Variants in SASH1 observed in about 807,000 individuals in gnomAD.
SASH1 encodes the protein SAM and SH3 domain-containing protein 1.
A neutral mutation model predicts 125.2 loss-of-function variants in SASH1; 44 were observed. That is an observed-to-expected ratio of 0.35 (90% confidence interval 0.28 to 0.45). The LOEUF (loss-of-function observed/expected upper bound fraction) is 0.45, where lower values mean the gene tolerates loss of function less well. Ranked by LOEUF, SASH1 falls within the 20% of genes least tolerant of loss-of-function variation. The pLI is 1.00. For synonymous variants in SASH1, 639 were observed against 649.1 expected (o/e 0.98, Z 0.24); for missense variants, 1,426 against 1,614.5 (o/e 0.88, Z 2.00).
chr6:148,416,899 G>A (rs919892276), intron 2 of SASH1, among the ~76,000 whole-genome samples: 63 of 152,316 alleles, frequency 4.1e-4, no homozygotes, highest in Middle Eastern at 3.4e-3. Context: ...TCATTGTGGG[G>A]ATTTACTGGA....
intron 1 of SASH1, among the ~76,000 whole-genome samples, chr6:148,368,103 G>A (rs1782543987): frequency 6.6e-6 from 1 of 152,128 alleles, no homozygotes; most frequent in South Asian, 2.1e-4. Flanking sequence ...AATATTATGG[G>A]GTGGGGATTA....
intron 2 of SASH1, among the ~76,000 whole-genome samples, chr6:148,428,523 G>A (rs1420798798): frequency 6.6e-6 from 1 of 151,260 alleles, no homozygotes. Flanking sequence ...CAGCTACTCG[G>A]GAGGCTGAGG....
At chr6:148,248,509 A>G in the SASH1 span, among the ~76,000 whole-genome samples, 1 of 152,206 alleles carries the variant, frequency 6.6e-6, no homozygotes, top group Non-Finnish European at 1.5e-5. Flanking sequence ...TCTACCTGAT[A>G]CAGGTACATT....
At chr6:148,289,780 C>G (rs968696454) in intron 1 of SASH1, among the ~76,000 whole-genome samples, 1 of 151,078 alleles carries the variant, frequency 6.6e-6, no homozygotes, top group African/African-American at 2.4e-5. Flanking sequence ...TATATCCTGA[C>G]AGCATACTCA....
the SASH1 span, among the ~76,000 whole-genome samples, chr6:148,262,887 G>T: frequency 1.3e-5 from 2 of 152,108 alleles, no homozygotes; most frequent in African/African-American, 4.8e-5. Flanking sequence ...AGAAAAGAAA[G>T]AAAGAAAGTA....
At chr6:148,513,947 C>T (rs1053731103) in intron 8 of SASH1, 3 of 993,340 alleles carry the variant, frequency 3.0e-6, no homozygotes, top group South Asian at 4.6e-5. Context: ...ATGGGCCAGA[C>T]AGATGAGAGC....
chr6:148,547,183 G>A (rs1317170373), intron 19 of SASH1, among the ~76,000 whole-genome samples: 2 of 152,086 alleles, frequency 1.3e-5, no homozygotes, highest in East Asian at 1.9e-4. Context: ...GGCCAGCATC[G>A]TTACTCTTGC....
intron 1 of SASH1, among the ~76,000 whole-genome samples, chr6:148,290,897 AAG>A (rs1554230213): frequency 1.3e-5 from 2 of 151,182 alleles, no homozygotes; most frequent in African/African-American, 2.4e-5. Flanking sequence ...AAAAAAAAAA[AAG>A]AAAGAGAAAA....
At chr6:148,337,055 C>A (rs560049796) in intron 1 of SASH1, among the ~76,000 whole-genome samples, 1 of 152,136 alleles carries the variant, frequency 6.6e-6, no homozygotes, top group South Asian at 2.1e-4. Flanking sequence ...CAGTTAAGAA[C>A]AAGTTTTTGT....
At position 148,440,618 on chromosome 6, in the gene SASH1, A is replaced by G. The variant is rs1275703835; in HGVS notation, c.386+211A>G. 3 of 573,282 alleles carry G rather than the reference A, an allele frequency of 5.2e-6. No homozygotes were observed. In the African/African-American group the frequency reaches 5.6e-5, roughly 11 times the overall value. The allele number at this position is 573,282 out of a possible 1,614,324, so 35.5% of individuals were successfully genotyped here. A position where few individuals can be genotyped will look rare whatever the true frequency, so the allele number is the denominator to read the frequency against. The stretch of plus-strand genomic sequence containing the variant: ...GGTGATGTCTGAGGATTTTGTGAAG[A>G]GTTACTGATTTTACACTTATTGTGA... On this transcript the variant is annotated intron_variant, in intron 4 of 19. Transcript: ENST00000367467.
At chr6:148,446,360 G>T (rs551053623) in intron 4 of SASH1, among the ~76,000 whole-genome samples, 165 of 152,092 alleles carry the variant, frequency 1.1e-3, no homozygotes, top group African/African-American at 3.8e-3. Flanking sequence ...CGCCCGCCTT[G>T]GCCTCCTAAA....
rs1781076732 is a variant in SASH1 at position 148,525,306 on chromosome 6, G to A, written c.1225G>A (p.Gly409Arg). The A allele has an allele frequency of 6.2e-7, 1 of 1,613,914 alleles. No individual in the cohort carries two copies. The highest frequency in any genetic ancestry group is 1.3e-5 in the African/African-American group (1 of 74,894). The change falls in exon 11 of 20, where the codon GGA (glycine) becomes AGA (arginine). Residue 409 changes from glycine (G) to arginine (R), a missense_variant. By Grantham distance (125) the Gly-to-Arg change is moderately radical. Transcript: ENST00000367467. ...TTTTCCACAGAGAACCTGCAGTTTT[G>A]GAGGATTTGACTTGACGAATCGCTC... ...SLSHGRTCSF[G>R]GFDLTNRSLH...
At chr6:148,253,945 C>T in the SASH1 span, among the ~76,000 whole-genome samples, 1 of 151,844 alleles carries the variant, frequency 6.6e-6, no homozygotes, top group African/African-American at 2.4e-5. Flanking sequence ...GTGGTTTATG[C>T]CTGTAATCCT....
intron 8 of SASH1, 99 bp downstream of exon 8, chr6:148,487,814 G>T (rs779462067): frequency 1.3e-6 from 1 of 795,428 alleles, no homozygotes. Flanking sequence ...CTTCCGACTC[G>T]CACCTGGGTC....
At chr6:148,285,721 T>C (rs369236346) in intron 1 of SASH1, among the ~76,000 whole-genome samples, 75 of 152,300 alleles carry the variant, frequency 4.9e-4, no homozygotes, top group African/African-American at 1.7e-3. Flanking sequence ...TCTGAGCATA[T>C]ATCAGTCCTG....
Position 148,416,858 on chromosome 6 carries a change from C to A in SASH1, c.286-23326C>A, listed in dbSNP as rs148798606. ...GCAGAAATTTGCAGGAGAGACCAGC[C>A]TGAATTTAGACCCAGCCATTGAGGG... On this transcript the variant is annotated intron_variant, in intron 2 of 19. Coordinates refer to ENST00000367467, the MANE Select transcript of SASH1 (RefSeq NM_015278.5). Among the ~76,000 whole-genome samples the A allele has an allele frequency of 9.8e-5, 15 of 152,294 alleles. No individual in the cohort carries two copies. The East Asian group carries it at 2.9e-3, about 29-fold the overall frequency.
intron 1 of SASH1, among the ~76,000 whole-genome samples, chr6:148,281,035 C>T (rs953458806): frequency 4.0e-5 from 6 of 151,396 alleles, no homozygotes; most frequent in African/African-American, 1.5e-4. Flanking sequence ...CTCCACCTCC[C>T]GGGTTCAAGC....
upstream of SASH1, among the ~76,000 whole-genome samples, chr6:148,339,152 G>A (rs1248837439): frequency 6.6e-6 from 1 of 152,056 alleles, no homozygotes; most frequent in African/African-American, 2.4e-5. Flanking sequence ...TTAACACATG[G>A]AAATTGATAA....
At chr6:148,298,689 GGAAGGAAGGAAGGAAGGAAGGAA>G (rs1289428890) in intron 1 of SASH1, among the ~76,000 whole-genome samples, 3 of 82,368 alleles carry the variant, frequency 3.6e-5, no homozygotes, top group Middle Eastern at 6.0e-3. Flanking sequence ...AAGGAAGGAA[GGAAGGAAGGAAGGAAGGAAGGAA>G]GAAGGAAGGG....
Sources: allele counts gnomAD v4.1 joint callset (sites outside exome capture counted in the v4.1 genomes callset), GRCh38; gene constraint gnomAD v4.1.1; transcripts MANE v1.5; gene names NCBI Gene and HGNC (gene_info 2026-07-23, HGNC 2026-07-21).